Variants in CFAP47 observed in about 807,000 individuals in gnomAD.
CFAP47 encodes the protein cilia and flagella associated protein 47, also known as cilia- and flagella-associated protein 47.
A neutral mutation model predicts 148.1 loss-of-function variants in CFAP47; 29 were observed. The observed-to-expected ratio is 0.20, with a 90% CI of 0.15 to 0.27. The LOEUF (loss-of-function observed/expected upper bound fraction) is 0.27, where lower values mean the gene tolerates loss of function less well. Among genes scored for constraint, CFAP47 ranks in the 10% least tolerant of loss-of-function variants. The pLI is 1.00. For synonymous variants in CFAP47, 664 were observed against 577.3 expected (o/e 1.15, Z -2.15); for missense variants, 1,872 against 1,697.5 (o/e 1.10, Z -1.81).
rs782750444 is a variant in CFAP47 at position 36,380,165 on chromosome X, C to T, written c.9354+647C>T. On this transcript the variant is annotated intron_variant, in intron 63 of 63. Transcript: ENST00000378653. ...CTACTTCTAAAAAGGTATCTATTAC[C>T]ACTGTCTACTTTCAGTAGCATTGGC... Among the ~76,000 whole-genome samples the T allele has an allele frequency of 2.1e-4, 24 of 112,069 alleles. No homozygotes were observed. In the South Asian group the frequency reaches 3.3e-3, roughly 15 times the overall value.
intron 2 of CFAP47, among the ~76,000 whole-genome samples, chrX:35,927,997 T>A (rs1456676561): frequency 2.9e-5 from 3 of 102,963 alleles, no homozygotes; most frequent in South Asian, 4.2e-4. Context: ...GTATTCTATT[T>A]TATATATATA....
intron 19 of CFAP47, 22 bp from the exon 20 acceptor site, chrX:36,000,261 A>G: frequency 3.5e-6 from 1 of 288,740 alleles, no homozygotes; most frequent in Non-Finnish European, 6.1e-6. Flanking sequence ...TTTTCTAATT[A>G]TTTTTATTTT....
intron 33 of CFAP47, among the ~76,000 whole-genome samples, chrX:36,110,036 CA>C (rs1160443016): frequency 9.0e-6 from 1 of 111,502 alleles, no homozygotes; most frequent in Non-Finnish European, 1.9e-5. Flanking sequence ...GCATAGATTG[CA>C]AAACTTTTCT....
chrX:36,267,447 A>G (rs1454276782), intron 49 of CFAP47, among the ~76,000 whole-genome samples: 3 of 107,560 alleles, frequency 2.8e-5, no homozygotes, highest in Admixed American at 2.0e-4. Context: ...TTTGAAAATA[A>G]TTATTGTTTG....
intron 14 of CFAP47, 137 bp downstream of exon 14, chrX:35,975,500 A>G (rs1237169732): frequency 1.6e-6 from 1 of 616,747 alleles, no homozygotes; most frequent in Non-Finnish European, 2.5e-6. Context: ...ATCAATTTTT[A>G]GATATATAGA....
intron 48 of CFAP47, among the ~76,000 whole-genome samples, chrX:36,247,191 G>A (rs1380948588): frequency 9.0e-6 from 1 of 111,403 alleles, no homozygotes; most frequent in East Asian, 2.8e-4. Flanking sequence ...ACCAAATACT[G>A]CAATTTGTCA....
At chrX:35,992,531 AATG>A (rs941786842) in intron 17 of CFAP47, among the ~76,000 whole-genome samples, 7 of 111,367 alleles carry the variant, frequency 6.3e-5, no homozygotes, top group African/African-American at 2.3e-4. Flanking sequence ...AAAACTGAAA[AATG>A]AGGATGATCT....
intron 1 of CFAP47, 146 bp downstream of exon 1, chrX:35,920,194 T>A: frequency 3.3e-6 from 2 of 614,681 alleles, no homozygotes; most frequent in Non-Finnish European, 4.7e-6. Context: ...CAGGTTTCTG[T>A]GTGTGTGCTC....
chrX:36,305,907 A>G (rs949603605), intron 54 of CFAP47, among the ~76,000 whole-genome samples: 5 of 111,554 alleles, frequency 4.5e-5, no homozygotes, highest in Non-Finnish European at 7.5e-5. Flanking sequence ...ATTGTGTAAT[A>G]AACAGGTGAC....
intron 39 of CFAP47, among the ~76,000 whole-genome samples, chrX:36,163,758 T>C (rs1173391068): frequency 9.1e-6 from 1 of 110,231 alleles, no homozygotes; most frequent in African/African-American, 3.3e-5. Context: ...TACAGGCGCC[T>C]ACCACCACAC....
intron 26 of CFAP47, among the ~76,000 whole-genome samples, chrX:36,051,121 G>A (rs1029393768): frequency 2.1e-4 from 23 of 111,923 alleles, no homozygotes; most frequent in African/African-American, 7.5e-4. Context: ...CCTCTGCTAG[G>A]GCAGTGTGGA....
At chrX:36,149,256 C>T (rs1202326458) in intron 37 of CFAP47, 33 bp downstream of exon 37, 3 of 285,268 alleles carry the variant, frequency 1.1e-5, no homozygotes, top group African/African-American at 2.8e-5. Flanking sequence ...CATTATCAGA[C>T]ATATCAACCC....
At chrX:35,947,057 G>A (rs1053050240) in intron 3 of CFAP47, among the ~76,000 whole-genome samples, 1 of 111,651 alleles carries the variant, frequency 9.0e-6, no homozygotes, top group African/African-American at 3.3e-5. Context: ...TATCCTGTGT[G>A]AACTGGATAA....
intron 2 of CFAP47, among the ~76,000 whole-genome samples, chrX:35,933,218 C>A (rs1006133353): frequency 9.3e-6 from 1 of 107,351 alleles, no homozygotes; most frequent in African/African-American, 3.4e-5. Flanking sequence ...TTCTTCCCCA[C>A]CCCCAATTAC....
chrX:36,091,035 CAA>C (rs1938175896), intron 30 of CFAP47, among the ~76,000 whole-genome samples: 1 of 111,632 alleles, frequency 9.0e-6, no homozygotes, highest in Admixed American at 9.5e-5. Context: ...AAACTACTGA[CAA>C]GACGTAAAAT....
At chrX:36,075,520 C>A (rs1601962580) in intron 29 of CFAP47, among the ~76,000 whole-genome samples, 1 of 112,069 alleles carries the variant, frequency 8.9e-6, no homozygotes. Context: ...GCCACTGCGC[C>A]CAGCCTGTTG....
intron 62 of CFAP47, among the ~76,000 whole-genome samples, chrX:36,371,648 GTATA>G (rs1413699940): frequency 6.2e-5 from 5 of 81,171 alleles, no homozygotes; most frequent in African/African-American, 2.1e-4. Flanking sequence ...ACACATATGT[GTATA>G]TATGTGTGTA....
chrX:36,149,346 C>T (rs1939277283), intron 37 of CFAP47, 123 bp downstream of exon 37: 2 of 267,429 alleles, frequency 7.5e-6, no homozygotes, highest in East Asian at 5.4e-5. Flanking sequence ...TTGTCACTCA[C>T]AGTCAGACAA....
intron 21 of CFAP47, among the ~76,000 whole-genome samples, chrX:36,011,430 T>G (rs1937037531): frequency 8.9e-6 from 1 of 112,184 alleles, no homozygotes; most frequent in Admixed American, 9.5e-5. Context: ...TCCAGGGCAC[T>G]TTTAAATGCC....
Sources: allele counts gnomAD v4.1 joint callset (sites outside exome capture counted in the v4.1 genomes callset), GRCh38; gene constraint gnomAD v4.1.1; transcripts MANE v1.5; gene names NCBI Gene and HGNC (gene_info 2026-07-23, HGNC 2026-07-21).